Variants in ZNF385D observed in about 807,000 individuals in gnomAD.
ZNF385D encodes zinc finger protein 659.
ZNF385D carries 15 observed loss-of-function variants against 35.8 expected under a neutral mutation model. The ratio of observed to expected loss-of-function variants is 0.42; its 90% confidence interval spans 0.28 to 0.64. ZNF385D has a LOEUF of 0.64. Ranked by LOEUF, ZNF385D falls within the 30% of genes least tolerant of loss-of-function variation. The pLI, the probability that ZNF385D is intolerant of heterozygous loss-of-function variation, is 0.23. For synonymous variants in ZNF385D, 212 were observed against 186.8 expected (o/e 1.13, Z -1.10); for missense variants, 474 against 494.6 (o/e 0.96, Z 0.39).
At chr3:21,757,439 G>T (rs921397935) in intron 3 of ZNF385D, among the ~76,000 whole-genome samples, 2 of 152,002 alleles carry the variant, frequency 1.3e-5, no homozygotes, top group East Asian at 3.9e-4. Context: ...CACCACACCT[G>T]GCCTAAATTT....
intron 3 of ZNF385D, among the ~76,000 whole-genome samples, chr3:21,974,940 A>G (rs6550645): frequency 0.82 from 125,411 of 152,198 alleles, 52,597 homozygotes; most frequent in African/African-American, 0.95. Flanking sequence ...AGGAAGAGGA[A>G]AAACGGGAAC....
chr3:21,867,173 A>G (rs920046849), intron 3 of ZNF385D, among the ~76,000 whole-genome samples: 5 of 152,170 alleles, frequency 3.3e-5, no homozygotes, highest in Admixed American at 1.3e-4. Context: ...CACAGAGAGC[A>G]GAAGAGAGTG....
At chr3:21,752,692 T>G (rs541436734), upstream of ZNF385D, among the ~76,000 whole-genome samples, 1 of 152,326 alleles carries the variant, frequency 6.6e-6, no homozygotes, top group Non-Finnish European at 1.5e-5. Flanking sequence ...AGGGCTGTTC[T>G]TTTAGAAATA....
chr3:21,896,310 G>C (rs888447013), intron 3 of ZNF385D, among the ~76,000 whole-genome samples: 5 of 152,152 alleles, frequency 3.3e-5, no homozygotes, highest in African/African-American at 9.6e-5. Context: ...TGTCACTCGT[G>C]GCTGCCTCAA....
intron 1 of ZNF385D, among the ~76,000 whole-genome samples, chr3:21,710,356 T>C (rs945105112): frequency 6.6e-6 from 1 of 152,168 alleles, no homozygotes; most frequent in Non-Finnish European, 1.5e-5. Context: ...AATGATCTGG[T>C]GAGACTGGGG....
intron 3 of ZNF385D, among the ~76,000 whole-genome samples, chr3:21,999,991 C>G (rs1695733938): frequency 6.6e-6 from 1 of 152,004 alleles, no homozygotes; most frequent in African/African-American, 2.4e-5. Context: ...TCAAAAATCC[C>G]CAAATAGATT....
chr3:21,473,656 C>T (rs1212057340), intron 4 of ZNF385D, among the ~76,000 whole-genome samples: 1 of 152,038 alleles, frequency 6.6e-6, no homozygotes, highest in Admixed American at 6.6e-5. Flanking sequence ...GTTGTTCAAA[C>T]CTGAGTGACA....
rs188951263 is a variant in ZNF385D, at chr3:22,189,157, A to C, written c.107-20122T>G. 2.6e-5 allele frequency among the ~76,000 whole-genome samples: 4 copies of C among 152,294 alleles called. No homozygotes were observed. In the East Asian group the frequency reaches 7.7e-4, roughly 29 times the overall value. ...GGGTTAAGTTTTGCTCATATACTAA[A>C]GTTGGCCCCAAGGTCATCCCTGACT... On this transcript the variant is annotated intron_variant, in intron 2 of 5. Coordinates refer to the ZNF385D transcript ENST00000494108.
chr3:21,664,260 G>A (rs2066333569), intron 2 of ZNF385D, among the ~76,000 whole-genome samples: 1 of 152,046 alleles, frequency 6.6e-6, no homozygotes, highest in Non-Finnish European at 1.5e-5. Context: ...CGTCTTAAAA[G>A]TGAAAACAGA....
chr3:21,564,524 C>T lies in ZNF385D; in HGVS notation c.276+50G>A, dbSNP rs750768024. The T allele has an allele frequency of 3.3e-6, 4 of 1,196,886 alleles. No individual in the cohort carries two copies. The African/African-American group carries it at 4.9e-5, about 15-fold the overall frequency. 74.1% of individuals were successfully genotyped at this position (1,196,886 alleles called of 1,614,324 possible). The stretch of plus-strand genomic sequence containing the variant: ...AATCTTTTCTCCTGCAAGATTAGAA[C>T]AGCAAAATGTATTTTTTTTTTTTAA... On this transcript the variant is annotated intron_variant, in intron 3 of 7. Transcript: ENST00000281523.
intron 2 of ZNF385D, among the ~76,000 whole-genome samples, chr3:22,359,836 A>T (rs904026511): frequency 6.6e-6 from 1 of 151,938 alleles, no homozygotes; most frequent in African/African-American, 2.4e-5. Context: ...TTATAATATC[A>T]TTTATATTTC....
chr3:21,925,741 AT>A (rs1297488767), intron 3 of ZNF385D, among the ~76,000 whole-genome samples: 1 of 152,180 alleles, frequency 6.6e-6, no homozygotes, highest in Non-Finnish European at 1.5e-5. Context: ...AATGATTAGT[AT>A]CTAGAATATA....
chr3:21,418,539 G>A lies in ZNF385D; in HGVS notation c.*2675C>T, dbSNP rs1700606625. ...GGTTCCATAGCGAAGTGAGGCAGAA[G>A]GGATCCAGGTATTTCTGAGATTTCT... is the stretch of plus-strand genomic sequence containing the variant. On this transcript the variant is annotated 3_prime_UTR_variant, in exon 8 of 8. Transcript: ENST00000281523. 1 of 152,146 alleles carries A rather than the reference G, an allele frequency of 6.6e-6. No homozygotes were observed. The highest frequency in any genetic ancestry group is 2.1e-4 in the South Asian group (1 of 4,830). The allele number at this position is 152,146 out of a possible 1,614,324, so 9.4% of individuals were successfully genotyped here. A position where few individuals can be genotyped will look rare whatever the true frequency, so the allele number is the denominator to read the frequency against.
In ZNF385D at chr3:21,424,324, T is replaced by A. The variant is rs1425383518; in HGVS notation, c.853-260A>T. Among the ~76,000 whole-genome samples, 17 of 125,748 alleles carry A rather than the reference T, an allele frequency of 1.4e-4. No individual in the cohort carries two copies. In the South Asian group the frequency reaches 3.7e-3, roughly 27 times the overall value. The allele number at this position is 125,748 out of a possible 152,430, so 82.5% of individuals were successfully genotyped here. On this transcript the variant is annotated intron_variant, in intron 6 of 7. Transcript: ENST00000281523. ...ATTTATATATATATATATATTTTTT[T>A]TTTTTTTTGAGATGGAGTCTCACTC...
At chr3:22,169,367 G>C (rs1419450769) in intron 2 of ZNF385D, among the ~76,000 whole-genome samples, 3 of 152,124 alleles carry the variant, frequency 2.0e-5, no homozygotes, top group Non-Finnish European at 4.4e-5. Context: ...TAAACAACTT[G>C]TCTAAGGTCA....
chr3:21,823,964 T>C (rs1694439032), intron 3 of ZNF385D, among the ~76,000 whole-genome samples: 1 of 152,184 alleles, frequency 6.6e-6, no homozygotes, highest in South Asian at 2.1e-4. Flanking sequence ...CATTAAATTA[T>C]TACACTATTT....
intron 2 of ZNF385D, among the ~76,000 whole-genome samples, chr3:22,361,081 C>T (rs1696389248): frequency 6.6e-6 from 1 of 152,000 alleles, no homozygotes; most frequent in Non-Finnish European, 1.5e-5. Context: ...GTTGATGTTG[C>T]ATCACAAACA....
chr3:21,961,630 C>G (rs1702599639), intron 3 of ZNF385D: 1 of 151,982 alleles, frequency 6.6e-6, no homozygotes, highest in Admixed American at 6.6e-5. Context: ...GGGCTACATA[C>G]ATTATTTCAT....
chr3:21,933,676 A>G (rs889811234), intron 3 of ZNF385D, among the ~76,000 whole-genome samples: 5 of 152,208 alleles, frequency 3.3e-5, no homozygotes, highest in Non-Finnish European at 7.3e-5. Flanking sequence ...AAATACTAAT[A>G]AATGGATCCT....
Sources: allele counts gnomAD v4.1 joint callset (sites outside exome capture counted in the v4.1 genomes callset), GRCh38; gene constraint gnomAD v4.1.1; transcripts MANE v1.5; gene names NCBI Gene and HGNC (gene_info 2026-07-23, HGNC 2026-07-21).